The following LHCGR variants were observed in gnomAD, a reference collection of about 807,000 sequenced individuals.
The protein encoded by LHCGR is luteinizing hormone/choriogonadotropin receptor, also known as lutropin-choriogonadotropic hormone receptor.
LHCGR carries 55 observed loss-of-function variants against 60.7 expected under a neutral mutation model. The observed-to-expected ratio is 0.91, with a 90% confidence interval of 0.73 to 1.13. The LOEUF is 1.13. Ranked by LOEUF, LHCGR falls within the 50% of genes most tolerant of loss-of-function variation. The pLI is 0.00. For missense variants in LHCGR, 862 were observed against 836.0 expected, an observed-to-expected ratio of 1.03 and a Z score of -0.38; for synonymous variants, 337 against 316.5, an observed-to-expected ratio of 1.06 and a Z score of -0.69.
chr2:48,743,066 T>A (rs1305445378), intron 1 of LHCGR, among the ~76,000 whole-genome samples: 2 of 152,068 alleles, frequency 1.3e-5, no homozygotes, highest in African/African-American at 4.8e-5. Context: ...TACAAACACC[T>A]CTATGCAAAT....
chr2:48,719,327 C>A (rs893850199), intron 6 of LHCGR, among the ~76,000 whole-genome samples: 2 of 152,124 alleles, frequency 1.3e-5, no homozygotes, highest in Admixed American at 6.5e-5. Context: ...AGCCCAGACT[C>A]CCTATTTCAA....
intron 4 of LHCGR, among the ~76,000 whole-genome samples, chr2:48,724,739 C>G (rs1558865078): frequency 6.6e-6 from 1 of 152,142 alleles, no homozygotes; most frequent in African/African-American, 2.4e-5. Flanking sequence ...CTTATGTGCC[C>G]TATAGACACC....
At chr2:48,747,515 C>T (rs1291381259) in intron 1 of LHCGR, among the ~76,000 whole-genome samples, 2 of 152,204 alleles carry the variant, frequency 1.3e-5, no homozygotes, top group East Asian at 1.9e-4. Context: ...GGAAGTACCT[C>T]AGAACTCGCC....
intron 2 of LHCGR, among the ~76,000 whole-genome samples, chr2:48,729,657 T>A (rs375407652): frequency 5.9e-5 from 9 of 152,184 alleles, no homozygotes; most frequent in Admixed American, 1.3e-4. Context: ...CCCAATTCTG[T>A]CACTCTAGTG....
intron 7 of LHCGR, among the ~76,000 whole-genome samples, chr2:48,711,420 C>G (rs1184177255): frequency 6.6e-6 from 1 of 152,162 alleles, no homozygotes; most frequent in Non-Finnish European, 1.5e-5. Context: ...ATCAGTGGTG[C>G]TTAATAAATG....
chr2:48,687,784 A>T lies in LHCGR; in HGVS notation c.2013T>A (p.Asn671Lys), dbSNP rs1278257570. The T allele has an allele frequency of 6.2e-7, 1 of 1,614,162 alleles. No homozygotes were observed. Among genetic ancestry groups the T allele is most frequent in the Non-Finnish European group, 8.5e-7 (1 of 1,179,982 alleles). Residue 671 changes from asparagine (N) to lysine (K), a missense_variant, in exon 11 of 11, where the codon AAT becomes AAA. Physicochemically the swap from Asn to Lys is moderately conservative, Grantham distance 94. Coordinates refer to ENST00000294954, the MANE Select transcript of LHCGR (RefSeq NM_000233.4). ...SNCKNGFTGS[N>K]KPSQSTLKLS... ...ACTTCAAGGTGGATTGAGAAGGCTT[A>T]TTTGATCCAGTGAAGCCATTTTTGC...
At chr2:48,738,035 G>C (rs1015445718) in intron 1 of LHCGR, among the ~76,000 whole-genome samples, 1 of 152,092 alleles carries the variant, frequency 6.6e-6, no homozygotes, top group African/African-American at 2.4e-5. Flanking sequence ...GATGTTTGTC[G>C]ATACACTCTA....
chr2:48,745,467 C>G (rs1027712794), intron 1 of LHCGR, among the ~76,000 whole-genome samples: 1 of 152,140 alleles, frequency 6.6e-6, no homozygotes, highest in East Asian at 1.9e-4. Context: ...CAATGATAGA[C>G]TGGATTAAGA....
rs1680017521 is a variant in LHCGR, at chr2:48,688,402, C to T, written c.1395G>A (p.Trp465Ter). ...GGTGAATAGCATAGGTGATGGTGTG[C>T]CATCTTTCTAGAGTGATGACGGTGA... Reference protein sequence around the residue: ...YTLTVITLERWHTITYAIHLD... With the variant: ...YTLTVITLER The change falls in exon 11 of 11, where the codon TGG (tryptophan) becomes TGA (stop). Residue 465 changes from tryptophan (W) to a stop codon, truncating the protein, a stop_gained. Coordinates refer to ENST00000294954, the MANE Select transcript of LHCGR (RefSeq NM_000233.4). LOFTEE classifies it high-confidence loss of function. This position sits in a 1 kb window ranked among gnomAD's most constrained non-coding sequence, Gnocchi z 5.2. 1.2e-6 allele frequency: 2 copies of T among 1,613,966 alleles called. No homozygotes were observed. Among genetic ancestry groups the T allele is most frequent in the African/African-American group, 2.7e-5 (2 of 74,890 alleles).
chr2:48,741,486 A>G (rs1299541711), intron 1 of LHCGR, among the ~76,000 whole-genome samples: 3 of 152,166 alleles, frequency 2.0e-5, no homozygotes, highest in Non-Finnish European at 4.4e-5. Context: ...GACTAACAGC[A>G]GATCTCTCGG....
Position 48,705,084 on chromosome 2 carries a change from A to G in LHCGR, c.680+3864T>C, listed in dbSNP as rs566218142. 1.9e-3 allele frequency among the ~76,000 whole-genome samples: 288 copies of G among 152,264 alleles called. 1 individual carries two copies. Among genetic ancestry groups the G allele is most frequent in the African/African-American group, 6.5e-3 (269 of 41,562 alleles). On this transcript the variant is annotated intron_variant, in intron 8 of 10. Coordinates refer to ENST00000294954, the MANE Select transcript of LHCGR (RefSeq NM_000233.4). ...AAATGTGTCCCAGAGATTCTGGTACATTATGTCTTTGTTCTCATTGGTTTC... is the reference window on the plus strand; with the variant it reads ...AAATGTGTCCCAGAGATTCTGGTACGTTATGTCTTTGTTCTCATTGGTTTC...
chr2:48,731,430 C>T (rs1386406260), intron 1 of LHCGR, 132 bp from the exon 2 acceptor site: 5 of 666,672 alleles, frequency 7.5e-6, no homozygotes, highest in African/African-American at 1.8e-5. Context: ...TGGATTCAGG[C>T]TGAGGATTCT....
rs1015902512 is a variant in LHCGR at position 48,688,929 on chromosome 2, C to G, written c.948-80G>C. 9.9e-6 allele frequency: 13 copies of G among 1,316,368 alleles called. No individual in the cohort carries two copies. In the African/African-American group the frequency reaches 1.5e-4, roughly 15 times the overall value. 81.5% of individuals were successfully genotyped at this position (1,316,368 alleles called of 1,614,324 possible). A position where few individuals can be genotyped will look rare whatever the true frequency, so the allele number is the denominator to read the frequency against. ...TTCAAGAATTATGTTTCTTTAAAGG[C>G]AAAGAAACAAAAGGAAACAAAGCCA... On this transcript the variant is annotated intron_variant, in intron 10 of 10. Transcript: ENST00000294954. This position sits in a 1 kb window ranked among gnomAD's most constrained non-coding sequence, Gnocchi z 5.2.
At chr2:48,742,543 C>G (rs1176674753) in intron 1 of LHCGR, among the ~76,000 whole-genome samples, 1 of 151,750 alleles carries the variant, frequency 6.6e-6, no homozygotes, top group Middle Eastern at 3.2e-3. Context: ...GAATCTCACT[C>G]AAAACCGCTC....
chr2:48,688,928 G>T lies in LHCGR; in HGVS notation c.948-79C>A. 2.2e-6 allele frequency: 3 copies of T among 1,337,876 alleles called. No homozygotes were observed. The highest frequency in any genetic ancestry group is 3.2e-6 in the Non-Finnish European group (3 of 942,938). The allele number at this position is 1,337,876 out of a possible 1,614,324, so 82.9% of individuals were successfully genotyped here. Reference sequence around the variant, plus strand: ...ATTCAAGAATTATGTTTCTTTAAAGGCAAAGAAACAAAAGGAAACAAAGCC... The same window carrying T: ...ATTCAAGAATTATGTTTCTTTAAAGTCAAAGAAACAAAAGGAAACAAAGCC... On this transcript the variant is annotated intron_variant, in intron 10 of 10. Coordinates refer to ENST00000294954, the MANE Select transcript of LHCGR (RefSeq NM_000233.4). The surrounding 1 kb of genome is among the most constrained non-coding windows in gnomAD (Gnocchi z 5.2).
At chr2:48,722,018 C>T (rs950868620) in intron 6 of LHCGR, among the ~76,000 whole-genome samples, 2 of 152,128 alleles carry the variant, frequency 1.3e-5, no homozygotes, top group African/African-American at 4.8e-5. Flanking sequence ...GGTGTGGTGG[C>T]ACACGCCTGT....
intron 1 of LHCGR, among the ~76,000 whole-genome samples, chr2:48,747,808 C>T (rs1012770393): frequency 9.2e-5 from 14 of 152,132 alleles, no homozygotes; most frequent in African/African-American, 3.4e-4. Flanking sequence ...ATTTCTGGTG[C>T]TTGCAAATGA....
chr2:48,698,769 G>A lies in LHCGR; in HGVS notation c.712C>T (p.Pro238Ser). 1 of 1,613,960 alleles carries A rather than the reference G, an allele frequency of 6.2e-7. No individual in the cohort carries two copies. Among genetic ancestry groups the A allele is most frequent in the Non-Finnish European group, 8.5e-7 (1 of 1,179,830 alleles). ...TGAATGGACTCTAGGCCATAGCTCGGCAGGGCCTGCAATTTGGTGGAAGAA... is the reference window on the plus strand; with the variant it reads ...TGAATGGACTCTAGGCCATAGCTCGACAGGGCCTGCAATTTGGTGGAAGAA... The part of the protein sequence containing the change: ...DISSTKLQAL[P>S]SYGLESIQRL... Residue 238 changes from proline (P) to serine (S), a missense_variant, in exon 9 of 11, where the codon CCG (proline) becomes TCG (serine). Pro to Ser is a moderately conservative substitution (Grantham distance 74). Transcript: ENST00000294954.
chr2:48,697,236 C>T (rs1572823053), intron 9 of LHCGR, among the ~76,000 whole-genome samples: 1 of 152,328 alleles, frequency 6.6e-6, no homozygotes, highest in East Asian at 1.9e-4. Context: ...ACAACTCCTG[C>T]CTGTTCTTCA....
Sources: allele counts gnomAD v4.1 joint callset (sites outside exome capture counted in the v4.1 genomes callset), GRCh38; gene constraint gnomAD v4.1.1; non-coding constraint Gnocchi (gnomAD v3.1); transcripts MANE v1.5; gene names NCBI Gene and HGNC (gene_info 2026-07-23, HGNC 2026-07-21).